The following LRFN5 variants were observed in gnomAD, a reference collection of about 807,000 sequenced individuals.
LRFN5 encodes the protein leucine rich repeat and fibronectin type III domain containing 5, also known as leucine-rich repeat and fibronectin type-III domain-containing protein 5.
In LRFN5, 24 loss-of-function variants were observed where a neutral mutation model predicts 45.6. The observed-to-expected ratio is 0.53, with a 90% CI of 0.38 to 0.74. LRFN5 has a LOEUF of 0.74. Ranked by LOEUF, LRFN5 falls within the 30% of genes least tolerant of loss-of-function variation. The pLI is 0.00. For missense variants in LRFN5, 776 were observed against 861.5 expected, an observed-to-expected ratio of 0.90 and a Z score of 1.24; for synonymous variants, 340 against 313.8, an observed-to-expected ratio of 1.08 and a Z score of -0.88.
intron 2 of LRFN5, among the ~76,000 whole-genome samples, chr14:41,808,218 G>GGAAGGAAGGAAT (rs1887589969): frequency 7.0e-6 from 1 of 143,486 alleles, no homozygotes; most frequent in Non-Finnish European, 1.5e-5. Flanking sequence ...AAGGAAGGAA[G>GGAAGGAAGGAAT]GAAGGAAGGA....
chr14:41,712,465 T>C (rs2138749746), intron 1 of LRFN5, among the ~76,000 whole-genome samples: 1 of 152,316 alleles, frequency 6.6e-6, no homozygotes, highest in African/African-American at 2.4e-5. Context: ...GTTTTGTATC[T>C]AGATATCTTC....
At chr14:41,777,432 G>A (rs997027153) in intron 2 of LRFN5, among the ~76,000 whole-genome samples, 6 of 151,430 alleles carry the variant, frequency 4.0e-5, no homozygotes, top group Non-Finnish European at 8.9e-5. Context: ...TCTGTGTATG[G>A]ATTTTTAAAG....
chr14:41,806,362 G>T (rs1441173928), intron 2 of LRFN5, among the ~76,000 whole-genome samples: 1 of 152,042 alleles, frequency 6.6e-6, no homozygotes, highest in Non-Finnish European at 1.5e-5. Flanking sequence ...TTAGGGAAAA[G>T]GGCTAAAAAA....
At chr14:41,668,629 T>C (rs1219920592) in intron 1 of LRFN5, among the ~76,000 whole-genome samples, 2 of 152,292 alleles carry the variant, frequency 1.3e-5, no homozygotes, top group South Asian at 4.1e-4. Context: ...TCAGAATTTT[T>C]CAGACAAAAT....
chr14:41,819,469 T>C (rs113960481), intron 2 of LRFN5, among the ~76,000 whole-genome samples: 6 of 152,172 alleles, frequency 3.9e-5, no homozygotes, highest in African/African-American at 1.4e-4. Flanking sequence ...CGATGACTAG[T>C]GTATTAGTTC....
At chr14:41,880,137 C>T (rs938574423) in intron 2 of LRFN5, among the ~76,000 whole-genome samples, 3 of 151,864 alleles carry the variant, frequency 2.0e-5, no homozygotes, top group East Asian at 1.9e-4. Context: ...CCGTATTAGC[C>T]AGGATGGTCT....
chr14:41,785,525 G>A (rs993676472), intron 2 of LRFN5, among the ~76,000 whole-genome samples: 6 of 151,988 alleles, frequency 3.9e-5, no homozygotes, highest in Non-Finnish European at 5.9e-5. Context: ...ATATGGCAGC[G>A]GTCCCCAAAC....
chr14:41,771,960 A>G (rs1251949495), intron 2 of LRFN5, among the ~76,000 whole-genome samples: 1 of 152,180 alleles, frequency 6.6e-6, no homozygotes, highest in Non-Finnish European at 1.5e-5. Flanking sequence ...TGGAAAATCT[A>G]TAAAGACAAA....
At chr14:41,822,717 G>A (rs1304614555) in intron 2 of LRFN5, among the ~76,000 whole-genome samples, 1 of 151,816 alleles carries the variant, frequency 6.6e-6, no homozygotes, top group Admixed American at 6.6e-5. Flanking sequence ...TTGCCTTGAC[G>A]GTCTCTCTAG....
chr14:41,746,588 C>T (rs1884929113), intron 1 of LRFN5, among the ~76,000 whole-genome samples: 1 of 151,882 alleles, frequency 6.6e-6, no homozygotes, highest in Non-Finnish European at 1.5e-5. Context: ...AACACCTTTT[C>T]CTATACCTCT....
At chr14:41,742,031 G>A (rs573846816) in intron 1 of LRFN5, among the ~76,000 whole-genome samples, 14 of 151,750 alleles carry the variant, frequency 9.2e-5, no homozygotes, top group Non-Finnish European at 1.6e-4. Flanking sequence ...GATAACAAGT[G>A]TTGGCAAGAA....
At chr14:41,728,855 A>C (rs1884047878) in intron 1 of LRFN5, among the ~76,000 whole-genome samples, 1 of 152,202 alleles carries the variant, frequency 6.6e-6, no homozygotes, top group Admixed American at 6.6e-5. Context: ...GGCTCCATCA[A>C]AAATTGATCA....
intron 1 of LRFN5, among the ~76,000 whole-genome samples, chr14:41,661,940 T>C (rs1203673809): frequency 2.6e-5 from 4 of 152,090 alleles, no homozygotes; most frequent in Non-Finnish European, 1.5e-5. Context: ...CATTAACTAC[T>C]TATCATTATT....
rs190113136 is a variant in LRFN5, at chr14:41,886,911, G to T, written c.286G>T (p.Ala96Ser). 1.2e-6 allele frequency: 2 copies of T among 1,614,170 alleles called. No homozygotes were observed. The highest frequency in any genetic ancestry group is 1.7e-5 in the Admixed American group (1 of 60,026). Residue 96 changes from alanine (A) to serine (S), a missense_variant, in exon 3 of 6, where the codon GCT becomes TCT. By Grantham distance (99) the Ala-to-Ser change is moderately conservative (BLOSUM62 1). Transcript: ENST00000298119. Reference sequence around the variant, plus strand: ...AAGTTTTATTACACCTCATGCTTTCGCTGACCTACGAAATTTGAGGGCTTT... The same window carrying T: ...AAGTTTTATTACACCTCATGCTTTCTCTGACCTACGAAATTTGAGGGCTTT... The part of the protein sequence containing the change: ...TISFITPHAF[A>S]DLRNLRALHL...
intron 1 of LRFN5, among the ~76,000 whole-genome samples, chr14:41,761,604 A>G (rs1885673230): frequency 1.3e-5 from 2 of 152,166 alleles, no homozygotes; most frequent in African/African-American, 4.8e-5. Context: ...TCAGAGCACA[A>G]CATGAGCTAG....
chr14:41,813,103 G>C (rs537716446), intron 2 of LRFN5, among the ~76,000 whole-genome samples: 7 of 151,644 alleles, frequency 4.6e-5, no homozygotes, highest in Non-Finnish European at 7.4e-5. Context: ...ATTTGAAGAT[G>C]ACTGTGAATA....
chr14:41,729,726 A>T (rs989610534), intron 1 of LRFN5, among the ~76,000 whole-genome samples: 3 of 152,104 alleles, frequency 2.0e-5, no homozygotes, highest in East Asian at 1.9e-4. Context: ...GCATGATTTT[A>T]AAAAAATGAA....
At chr14:41,820,008 C>T (rs1463776629) in intron 2 of LRFN5, among the ~76,000 whole-genome samples, 1 of 150,280 alleles carries the variant, frequency 6.7e-6, no homozygotes, top group Non-Finnish European at 1.5e-5. Flanking sequence ...CTTTTAGATG[C>T]TGGAAATTAG....
intron 2 of LRFN5, among the ~76,000 whole-genome samples, chr14:41,877,329 A>G (rs115946448): frequency 0.013 from 1,961 of 152,274 alleles, 39 homozygotes; most frequent in African/African-American, 0.044. Context: ...TCAAAATGAC[A>G]TAAAACATCT....
Sources: gnomAD v4.1 joint callset for allele counts (sites outside exome capture counted in the v4.1 genomes callset) on GRCh38, gnomAD v4.1.1 for gene constraint, MANE v1.5 for transcripts, NCBI Gene and HGNC (gene_info 2026-07-23, HGNC 2026-07-21) for gene names.